RALGAPA2: variants seen among roughly 807,000 people sequenced by gnomAD.
RALGAPA2 encodes the protein Ral GTPase activating protein catalytic subunit alpha 2.
RALGAPA2 carries 139 observed loss-of-function variants against 230.4 expected under a neutral mutation model. The ratio of observed to expected loss-of-function variants is 0.60; its 90% confidence interval spans 0.53 to 0.69. The LOEUF is 0.69. Among genes scored for constraint, RALGAPA2 ranks in the 30% least tolerant of loss-of-function variants. The probability of loss-of-function intolerance (pLI) is 0.00; values close to 1 mark genes in which losing one functional copy is unlikely to be tolerated. For synonymous variants in RALGAPA2, 847 were observed against 837.8 expected, an observed-to-expected ratio of 1.01 and a Z score of -0.19; for missense variants, 2,163 against 2,276.0, an observed-to-expected ratio of 0.95 and a Z score of 1.01.
At chr20:20,693,959 C>T (rs945097228) in intron 1 of RALGAPA2, among the ~76,000 whole-genome samples, 2 of 151,994 alleles carry the variant, frequency 1.3e-5, no homozygotes, top group Admixed American at 6.6e-5. Context: ...CAAAGGTTAG[C>T]GGGACATGGT....
Position 20,653,362 on chromosome 20 carries a change from G to T in RALGAPA2, c.328+168C>A, listed in dbSNP as rs149054830. On this transcript the variant is annotated intron_variant, in intron 4 of 39. Coordinates refer to ENST00000202677, the MANE Select transcript of RALGAPA2 (RefSeq NM_020343.4). ...CACAGAGGAAGAGAGAGACATATTTGTCTCCAAAGTCAGGGTTGAACTTGT... is the reference window on the plus strand; with the variant it reads ...CACAGAGGAAGAGAGAGACATATTTTTCTCCAAAGTCAGGGTTGAACTTGT... 6.6e-4 allele frequency among the ~76,000 whole-genome samples: 100 copies of T among 152,158 alleles called. 2 individuals are homozygous for T. In the East Asian group the frequency reaches 0.018, roughly 28 times the overall value.
chr20:20,456,450 G>A (rs2061122321), intron 37 of RALGAPA2, among the ~76,000 whole-genome samples: 1 of 152,246 alleles, frequency 6.6e-6, no homozygotes, highest in Admixed American at 6.5e-5. Flanking sequence ...CCTTGGACAG[G>A]CAGGCTGCTG....
chr20:20,482,131 CTT>C (rs774072711), intron 36 of RALGAPA2, among the ~76,000 whole-genome samples: 4 of 152,126 alleles, frequency 2.6e-5, no homozygotes, highest in Admixed American at 6.5e-5. Flanking sequence ...GACTCTAAAA[CTT>C]TGTCTGAAAA....
chr20:20,611,030 C>T (rs1369854306), intron 14 of RALGAPA2, among the ~76,000 whole-genome samples: 1 of 152,126 alleles, frequency 6.6e-6, no homozygotes, highest in African/African-American at 2.4e-5. Flanking sequence ...CATCCTTTAC[C>T]TCTCCAAATC....
intron 4 of RALGAPA2, among the ~76,000 whole-genome samples, chr20:20,652,269 T>G (rs2067425991): frequency 1.3e-5 from 2 of 152,216 alleles, no homozygotes; most frequent in South Asian, 2.1e-4. Flanking sequence ...TTGTACATAT[T>G]GATCTCCCAC....
At position 20,453,801 on chromosome 20, in the gene RALGAPA2, G is replaced by A. The variant is rs528979330; in HGVS notation, c.5495+19028C>T. Among the ~76,000 whole-genome samples, 4 of 152,340 alleles carry A rather than the reference G, an allele frequency of 2.6e-5. No individual in the cohort carries two copies. In the East Asian group the frequency reaches 7.7e-4, roughly 29 times the overall value. On this transcript the variant is annotated intron_variant, in intron 37 of 39. Transcript: ENST00000202677. ...GCAACAGCACAGTGCCTGGCATACAGGAAATGGCCGATGGGTATTTTGTTG... is the reference window on the plus strand; with the variant it reads ...GCAACAGCACAGTGCCTGGCATACAAGAAATGGCCGATGGGTATTTTGTTG...
chr20:20,481,132 G>C (rs1166614495), intron 36 of RALGAPA2, among the ~76,000 whole-genome samples: 1 of 152,224 alleles, frequency 6.6e-6, no homozygotes, highest in Non-Finnish European at 1.5e-5. Context: ...AAAGCAAAGA[G>C]AGCCTTTTGC....
intron 18 of RALGAPA2, among the ~76,000 whole-genome samples, chr20:20,586,915 G>A (rs976451113): frequency 6.6e-6 from 1 of 152,014 alleles, no homozygotes; most frequent in African/African-American, 2.4e-5. Context: ...TATAAAAGAG[G>A]CAATATTTGT....
intron 3 of RALGAPA2, 29 bp from the exon 4 acceptor site, chr20:20,653,616 A>T: frequency 1.5e-6 from 2 of 1,296,856 alleles, no homozygotes; most frequent in South Asian, 2.7e-5. Context: ...AAGAAAATAA[A>T]CAACAAATGA....
At chr20:20,414,104 G>T (rs1211049594) in intron 37 of RALGAPA2, among the ~76,000 whole-genome samples, 3 of 152,260 alleles carry the variant, frequency 2.0e-5, no homozygotes, top group African/African-American at 7.2e-5. Context: ...CACTAAGCTG[G>T]CACGTGCTGG....
At chr20:20,424,069 A>G (rs2060331270) in intron 37 of RALGAPA2, among the ~76,000 whole-genome samples, 1 of 152,192 alleles carries the variant, frequency 6.6e-6, no homozygotes, top group Non-Finnish European at 1.5e-5. Context: ...CGGCATAGGG[A>G]GCTGAAGGTC....
intron 3 of RALGAPA2, among the ~76,000 whole-genome samples, chr20:20,672,902 A>G (rs2068184102): frequency 6.6e-6 from 1 of 152,208 alleles, no homozygotes; most frequent in African/African-American, 2.4e-5. Context: ...TAAAAGAAGC[A>G]GCTGGGTGCA....
chr20:20,668,738 G>A (rs1347148727), intron 3 of RALGAPA2, among the ~76,000 whole-genome samples: 4 of 152,210 alleles, frequency 2.6e-5, no homozygotes, highest in Non-Finnish European at 4.4e-5. Flanking sequence ...CAGGTCCTGA[G>A]AGAATGGGCC....
chr20:20,613,630 T>G (rs1410510916), intron 13 of RALGAPA2, among the ~76,000 whole-genome samples: 30 of 151,946 alleles, frequency 2.0e-4, no homozygotes, highest in Admixed American at 2.0e-3. Flanking sequence ...CCTCTCACGC[T>G]CCCTCTCACT....
At chr20:20,542,399 G>C (rs1233590607) in intron 24 of RALGAPA2, among the ~76,000 whole-genome samples, 1 of 152,122 alleles carries the variant, frequency 6.6e-6, no homozygotes, top group African/African-American at 2.4e-5. Flanking sequence ...CACAGAATTA[G>C]AAAAGACTAC....
At position 20,632,272 on chromosome 20, in the gene RALGAPA2, C is replaced by T. The variant is rs541689558; in HGVS notation, c.1006-2682G>A. ...GTCTCGATCTCCTGACCTCGTGATC[C>T]GCCCGCCTCGGCCTCCCAAAGTGCT... is the stretch of plus-strand genomic sequence containing the variant. On this transcript the variant is annotated intron_variant, in intron 9 of 39. Transcript: ENST00000202677. 1.4e-4 allele frequency among the ~76,000 whole-genome samples: 22 copies of T among 152,126 alleles called. 1 individual carries two copies. The South Asian group carries it at 4.6e-3, about 32-fold the overall frequency.
intron 31 of RALGAPA2, 109 bp downstream of exon 31, chr20:20,520,808 A>G (rs1317788319): frequency 2.1e-6 from 2 of 952,518 alleles, no homozygotes; most frequent in Non-Finnish European, 2.9e-6. Flanking sequence ...TCCAGGAACT[A>G]GGATTTCAAC....
chr20:20,608,810 C>T (rs2065898258), intron 14 of RALGAPA2, among the ~76,000 whole-genome samples: 1 of 152,180 alleles, frequency 6.6e-6, no homozygotes. Context: ...CACTCTGATT[C>T]TCATGACAAC....
intron 37 of RALGAPA2, among the ~76,000 whole-genome samples, chr20:20,430,852 CT>C (rs1466420783): frequency 6.6e-6 from 1 of 152,096 alleles, no homozygotes; most frequent in Non-Finnish European, 1.5e-5. Flanking sequence ...AGCGAGAGAA[CT>C]TTTTAAATGC....
Sources: allele counts gnomAD v4.1 joint callset (sites outside exome capture counted in the v4.1 genomes callset), GRCh38; gene constraint gnomAD v4.1.1; transcripts MANE v1.5; gene names NCBI Gene and HGNC (gene_info 2026-07-23, HGNC 2026-07-21).